The following WASHC4 variants were observed in gnomAD, a reference collection of about 807,000 sequenced individuals.
The protein encoded by WASHC4 is WASH complex subunit 7.
A neutral mutation model predicts 166.6 loss-of-function variants in WASHC4; 86 were observed. The ratio of observed to expected loss-of-function variants is 0.52; its 90% CI spans 0.43 to 0.62. The LOEUF (loss-of-function observed/expected upper bound fraction) is 0.62. Among genes scored for constraint, WASHC4 ranks in the 20% least tolerant of loss-of-function variants. The pLI is 0.00. For missense variants in WASHC4, 1,262 were observed against 1,382.4 expected, an observed-to-expected ratio of 0.91 and a Z score of 1.38; for synonymous variants, 446 against 451.6, an observed-to-expected ratio of 0.99 and a Z score of 0.16.
intron 29 of WASHC4, among the ~76,000 whole-genome samples, chr12:105,160,646 A>G (rs1008530345): frequency 6.6e-6 from 1 of 152,204 alleles, no homozygotes; most frequent in Admixed American, 6.5e-5. Context: ...GCCACCACGT[A>G]TGGCCTAAGA....
chr12:105,162,167 A>G (rs1884537446), intron 29 of WASHC4, among the ~76,000 whole-genome samples: 2 of 152,216 alleles, frequency 1.3e-5, no homozygotes, highest in Admixed American at 6.5e-5. Flanking sequence ...AAGCTTCAGT[A>G]AATCTTTGTT....
At chr12:105,124,279 C>G (rs960043724) in intron 10 of WASHC4, among the ~76,000 whole-genome samples, 1 of 149,362 alleles carries the variant, frequency 6.7e-6, no homozygotes, top group African/African-American at 2.5e-5. Context: ...ACTACCATGC[C>G]CAGCTAATTT....
intron 24 of WASHC4, chr12:105,147,799 G>T: frequency 2.3e-6 from 1 of 442,288 alleles, no homozygotes; most frequent in Non-Finnish European, 3.0e-6. Flanking sequence ...CAGCTGCTTG[G>T]GAGGCTGAGG....
At chr12:105,125,729 T>C (rs1444652414) in intron 10 of WASHC4, among the ~76,000 whole-genome samples, 2 of 152,140 alleles carry the variant, frequency 1.3e-5, no homozygotes, top group East Asian at 3.8e-4. Flanking sequence ...TATACATCTC[T>C]GAACATCGTG....
intron 10 of WASHC4, among the ~76,000 whole-genome samples, chr12:105,122,813 G>T (rs1474397877): frequency 6.6e-6 from 1 of 152,128 alleles, no homozygotes; most frequent in Non-Finnish European, 1.5e-5. Flanking sequence ...GATAAATGTT[G>T]TGTGTGTTCT....
chr12:105,154,853 G>A (rs941926492), intron 26 of WASHC4, among the ~76,000 whole-genome samples: 3 of 152,138 alleles, frequency 2.0e-5, no homozygotes, highest in African/African-American at 7.2e-5. Flanking sequence ...TGATGATTTG[G>A]AGGAAAACAA....
intron 1 of WASHC4, among the ~76,000 whole-genome samples, chr12:105,109,086 A>G (rs1309716246): frequency 1.3e-5 from 2 of 152,190 alleles, no homozygotes; most frequent in Non-Finnish European, 2.9e-5. Flanking sequence ...CAGTGAGCCG[A>G]GATCGCGCCA....
At chr12:105,148,099 A>G (rs1169541128) in intron 24 of WASHC4, 3 of 985,194 alleles carry the variant, frequency 3.0e-6, no homozygotes, top group East Asian at 1.1e-4. Flanking sequence ...CATTTGGAGT[A>G]GGGAATTGGG....
Position 105,160,251 on chromosome 12 carries a change from A to T in WASHC4, c.3060+103A>T, listed in dbSNP as rs1409819652. The T allele has an allele frequency of 7.4e-6, 7 of 944,442 alleles. No homozygotes were observed. The East Asian group carries it at 1.7e-4, about 23-fold the overall frequency. The allele number at this position is 944,442 out of a possible 1,614,324, so 58.5% of individuals were successfully genotyped here. On this transcript the variant is annotated intron_variant, in intron 29 of 32. Transcript: ENST00000332180. ...CGAAATGCATACAGACTACACTATTAATTTCCTGGTTGCATATAAAACTAA... is the reference window on the plus strand; with the variant it reads ...CGAAATGCATACAGACTACACTATTTATTTCCTGGTTGCATATAAAACTAA...
At chr12:105,111,736 G>A (rs897494177) in intron 2 of WASHC4, among the ~76,000 whole-genome samples, 5 of 151,986 alleles carry the variant, frequency 3.3e-5, no homozygotes, top group Admixed American at 1.3e-4. Flanking sequence ...ATTTTTTAAT[G>A]TATAAAATAC....
chr12:105,125,411 T>C (rs368997704), intron 10 of WASHC4, among the ~76,000 whole-genome samples: 6 of 152,322 alleles, frequency 3.9e-5, no homozygotes, highest in African/African-American at 1.4e-4. Context: ...AATTGACTTA[T>C]GTTATCCATA....
chr12:105,114,039 C>A (rs577969195), intron 2 of WASHC4, among the ~76,000 whole-genome samples, 177 bp from the exon 3 acceptor site: 1 of 151,766 alleles, frequency 6.6e-6, no homozygotes, highest in Non-Finnish European at 1.5e-5. Flanking sequence ...TGGGCCATTT[C>A]TTTCCTTACG....
At chr12:105,135,426 G>C (rs1467923370) in intron 14 of WASHC4, among the ~76,000 whole-genome samples, 2 of 150,414 alleles carry the variant, frequency 1.3e-5, no homozygotes, top group African/African-American at 4.9e-5. Flanking sequence ...AGCTTTTAAA[G>C]GTGTCATTTT....
At chr12:105,132,145 C>A (rs891246787) in intron 13 of WASHC4, among the ~76,000 whole-genome samples, 10 of 152,100 alleles carry the variant, frequency 6.6e-5, no homozygotes, top group Non-Finnish European at 1.3e-4. Context: ...AGGAGAATTG[C>A]CCATTTTTGC....
intron 13 of WASHC4, among the ~76,000 whole-genome samples, chr12:105,128,295 G>C (rs1439110075): frequency 6.6e-6 from 1 of 152,134 alleles, no homozygotes; most frequent in East Asian, 1.9e-4. Context: ...GGGTTGAAGA[G>C]GGATTAAAAA....
intron 21 of WASHC4, 72 bp from the exon 22 acceptor site, chr12:105,144,646 G>A: frequency 7.5e-7 from 1 of 1,327,782 alleles, no homozygotes; most frequent in Middle Eastern, 2.3e-4. Flanking sequence ...ACAAGTTGTT[G>A]TTTTTTCCTT....
Position 105,157,281 on chromosome 12 carries a change from A to G in WASHC4, c.2871A>G (p.Val957=), listed in dbSNP as rs1339175232. Residue 957 remains valine, a synonymous_variant, in exon 28 of 33, where the codon GTA becomes GTG. Transcript: ENST00000332180. ...ATATTGTAAATTTTGAAGAACTAGT[A>G]AAAGAAGAAGGTCTTGCAGAAGAAA... is the stretch of plus-strand genomic sequence containing the variant. The part of the protein sequence containing the change: ...LEDIVNFEEL[V]KEEGLAEETL... 6.4e-7 allele frequency: 1 copy of G among 1,568,378 alleles called. No individual in the cohort carries two copies. The highest frequency in any genetic ancestry group is 8.8e-7 in the Non-Finnish European group (1 of 1,141,802).
chr12:105,152,547 A>C, intron 26 of WASHC4, 96 bp downstream of exon 26: 1 of 791,996 alleles, frequency 1.3e-6, no homozygotes, highest in Non-Finnish European at 2.2e-6. Flanking sequence ...CTCATGTGAA[A>C]GCCTGAGCTC....
chr12:105,149,950 TTAAAA>T, intron 25 of WASHC4, among the ~76,000 whole-genome samples: 1 of 152,302 alleles, frequency 6.6e-6, no homozygotes, highest in Middle Eastern at 3.4e-3. Context: ...TTTCTTTATT[TTAAAA>T]TAATATAAAA....
Sources: allele counts gnomAD v4.1 joint callset (sites outside exome capture counted in the v4.1 genomes callset), GRCh38; gene constraint gnomAD v4.1.1; transcripts MANE v1.5; gene names NCBI Gene and HGNC (gene_info 2026-07-23, HGNC 2026-07-21).